Variants in LINGO4 observed in about 807,000 individuals in gnomAD.
LINGO4 encodes the protein leucine rich repeat and Ig domain containing 4.
A neutral mutation model predicts 27.9 loss-of-function variants in LINGO4; 22 were observed. That is an observed-to-expected ratio of 0.79 (90% CI 0.56 to 1.13). The LOEUF (loss-of-function observed/expected upper bound fraction) is 1.13. Among genes scored for constraint, LINGO4 ranks in the 50% most tolerant of loss-of-function variants. LINGO4 has a pLI of 0.00. For synonymous variants in LINGO4, 306 were observed against 325.8 expected, an observed-to-expected ratio of 0.94 and a Z score of 0.65; for missense variants, 706 against 739.4, an observed-to-expected ratio of 0.95 and a Z score of 0.52.
In LINGO4 at chr1:151,805,377, T is replaced by TGCTGCTGCTGCTGTTGCTGCTGCGGCC. The variant is rs1651260341; in HGVS notation, c.-188_-162dup. ...TGGCTGCCCGGCTGCTGCCTGCCGC[T>TGCTGCTGCTGCTGTTGCTGCTGCGGCC]GCTGCTGCTGCTGTTGCTGCTGCGG... is the stretch of plus-strand genomic sequence containing the variant. On this transcript the variant is annotated 5_prime_UTR_variant, in exon 1 of 2. Coordinates refer to ENST00000368820, the MANE Select transcript of LINGO4 (RefSeq NM_001004432.4). 5.4e-6 allele frequency: 1 copy of TGCTGCTGCTGCTGTTGCTGCTGCGGCC among 186,126 alleles called. No homozygotes were observed. Among genetic ancestry groups the TGCTGCTGCTGCTGTTGCTGCTGCGGCC allele is most frequent in the Non-Finnish European group, 1.1e-5 (1 of 88,132 alleles). The allele number at this position is 186,126 out of a possible 1,614,324, so 11.5% of individuals were successfully genotyped here.
In LINGO4 at chr1:151,800,843, T is replaced by C; in HGVS notation, c.*80A>G. 7.5e-7 allele frequency: 1 copy of C among 1,340,624 alleles called. No homozygotes were observed. The highest frequency in any genetic ancestry group is 2.3e-5 in the East Asian group (1 of 43,192). 83.0% of individuals were successfully genotyped at this position (1,340,624 alleles called of 1,614,324 possible). On this transcript the variant is annotated 3_prime_UTR_variant, in exon 2 of 2. Transcript: ENST00000368820. ...AGCGGTGCTGCTCGGGACTAGGTTCTGGTTCAAGCAGCCTTGGTTCTGTCT... is the reference window on the plus strand; with the variant it reads ...AGCGGTGCTGCTCGGGACTAGGTTCCGGTTCAAGCAGCCTTGGTTCTGTCT...
At chr1:151,804,342 G>A (rs1340094773) in intron 1 of LINGO4, among the ~76,000 whole-genome samples, 1 of 152,174 alleles carries the variant, frequency 6.6e-6, no homozygotes, top group South Asian at 2.1e-4. Flanking sequence ...AAAGAATAAC[G>A]TGGGGCAAAG....
Position 151,802,639 on chromosome 1 carries a change from G to A in LINGO4, c.66C>T (p.Leu22=). ...PPWPPLLFLL[L]LPGGSGGSCP... ...AGCTGCCACCGCTCCCTCCAGGTAG[G>A]AGGAGGAGGAAAAGGAGCGGGGGCC... is the stretch of plus-strand genomic sequence containing the variant. The change falls in exon 2 of 2, where the codon CTC becomes CTT. Residue 22 remains leucine (L), a synonymous_variant. Transcript: ENST00000368820. 6.4e-7 allele frequency: 1 copy of A among 1,572,916 alleles called. No homozygotes were observed. The highest frequency in any genetic ancestry group is 8.6e-7 in the Non-Finnish European group (1 of 1,160,540).
In LINGO4 at chr1:151,800,617, A is replaced by C; in HGVS notation, c.*306T>G. The C allele has an allele frequency of 2.8e-6, 1 of 358,398 alleles. No individual in the cohort carries two copies. Among genetic ancestry groups the C allele is most frequent in the Non-Finnish European group, 5.1e-6 (1 of 196,400 alleles). The allele number at this position is 358,398 out of a possible 1,614,324, so 22.2% of individuals were successfully genotyped here. A position where few individuals can be genotyped will look rare whatever the true frequency, so the allele number is the denominator to read the frequency against. On this transcript the variant is annotated 3_prime_UTR_variant, in exon 2 of 2. Transcript: ENST00000368820. ...CATGTGTGAAGAAAGCCTAGTGGTT[A>C]GACTAGCTGACTAGCGCTTTGATTA...
rs774897433 is a variant in LINGO4 at position 151,801,614 on chromosome 1, CA to C, written c.1090del (p.Cys364AlafsTer33). 1.9e-6 allele frequency: 3 copies of C among 1,613,852 alleles called. No individual in the cohort carries two copies. Among genetic ancestry groups the C allele is most frequent in the Non-Finnish European group, 2.5e-6 (3 of 1,180,058 alleles). On this transcript the variant is annotated frameshift_variant, in exon 2 of 2. Transcript: ENST00000368820. LOFTEE classifies it high-confidence loss of function. This position sits in a 1 kb window ranked among gnomAD's most constrained non-coding sequence, Gnocchi z 5.7. ...GAGCCGGAGCAGCCAGAGGAGGCGG[CA>C]GTCACAGGTTAGGGGGTTGCCAGAC... ...RLSGNPLTCD[C>X]RLLWLLRLRR...
chr1:151,801,319 C>G lies in LINGO4; in HGVS notation c.1386G>C (p.Arg462Ser). 1 of 1,612,790 alleles carries G rather than the reference C, an allele frequency of 6.2e-7. No homozygotes were observed. The highest frequency in any genetic ancestry group is 8.5e-7 in the Non-Finnish European group (1 of 1,178,842). Residue 462 changes from arginine to serine, a missense_variant, in exon 2 of 2, where the codon AGG becomes AGC. Physicochemically the swap from Arg to Ser is moderately radical, Grantham distance 110. Coordinates refer to ENST00000368820, the MANE Select transcript of LINGO4 (RefSeq NM_001004432.4). The surrounding 1 kb of genome is among the most constrained non-coding windows in gnomAD (Gnocchi z 5.7). ...GAWLGRAGRV[R>S]VLEDGTLEIR... Reference sequence around the variant, plus strand: ...TCTCCAGTGTCCCATCCTCTAGGACCCTTACTCTCCCAGCCCTGCCCAGCC... The same window carrying G: ...TCTCCAGTGTCCCATCCTCTAGGACGCTTACTCTCCCAGCCCTGCCCAGCC...
Position 151,805,391 on chromosome 1 carries a change from T to C in LINGO4, c.-175A>G, listed in dbSNP as rs1651260807. 2 of 195,672 alleles carry C rather than the reference T, an allele frequency of 1.0e-5. No individual in the cohort carries two copies. The highest frequency in any genetic ancestry group is 2.1e-5 in the Non-Finnish European group (2 of 93,896). 12.1% of individuals were successfully genotyped at this position (195,672 alleles called of 1,614,324 possible). A position where few individuals can be genotyped will look rare whatever the true frequency, so the allele number is the denominator to read the frequency against. On this transcript the variant is annotated 5_prime_UTR_variant, in exon 1 of 2. Transcript: ENST00000368820. ...CTGCCTGCCGCTGCTGCTGCTGCTG[T>C]TGCTGCTGCGGCCGCTGCTGCCAAG...
Position 151,802,546 on chromosome 1 carries a change from AG to A in LINGO4, c.158del (p.Ala53ValfsTer15). On this transcript the variant is annotated frameshift_variant, in exon 2 of 2. Transcript: ENST00000368820. LOFTEE classifies it high-confidence loss of function. ...AVLCGHRQLE[A>X]VPGGLPLDTE... ...TGTCCAGTGGGAGTCCTCCAGGTAC[AG>A]CCTCCAGTTGCCTGTGGCCACAGAG... 1 of 1,603,650 alleles carries A rather than the reference AG, an allele frequency of 6.2e-7. No homozygotes were observed. The highest frequency in any genetic ancestry group is 8.5e-7 in the Non-Finnish European group (1 of 1,174,762).
In LINGO4 at chr1:151,800,892, C is replaced by T. The variant is rs1285300872; in HGVS notation, c.*31G>A. 1 of 1,563,574 alleles carries T rather than the reference C, an allele frequency of 6.4e-7. No homozygotes were observed. The highest frequency in any genetic ancestry group is 1.8e-5 in the Admixed American group (1 of 55,054). ...CTTCCCCTTTGGTATCTGAAGCGGA[C>T]TTGGTGGGTTCCCCACTGGGGAAGG... On this transcript the variant is annotated 3_prime_UTR_variant, in exon 2 of 2. Coordinates refer to ENST00000368820, the MANE Select transcript of LINGO4 (RefSeq NM_001004432.4).
chr1:151,801,956 A>C lies in LINGO4; in HGVS notation c.749T>G (p.Val250Gly). 1 of 1,614,198 alleles carries C rather than the reference A, an allele frequency of 6.2e-7. No individual in the cohort carries two copies. The highest frequency in any genetic ancestry group is 1.1e-5 in the South Asian group (1 of 91,076). Residue 250 changes from valine (V) to glycine (G), a missense_variant, in exon 2 of 2, where the codon GTT (valine) becomes GGT (glycine). By Grantham distance (109) the Val-to-Gly change is moderately radical. Transcript: ENST00000368820. This position sits in a 1 kb window ranked among gnomAD's most constrained non-coding sequence, Gnocchi z 5.7. Reference protein sequence around the residue: ...SLEALDPGSLVGLNLSSLAIT... With the variant: ...SLEALDPGSLGGLNLSSLAIT... ...GGCCAGGCTGCTGAGATTGAGCCCA[A>C]CCAGGCTCCCAGGGTCCAGAGCCTC...
chr1:151,802,383 G>A lies in LINGO4; in HGVS notation c.322C>T (p.Gln108Ter), dbSNP rs766907117. The A allele has an allele frequency of 3.1e-6, 5 of 1,614,144 alleles. No homozygotes were observed. Among genetic ancestry groups the A allele is most frequent in the Non-Finnish European group, 4.2e-6 (5 of 1,179,996 alleles). ...TGCAGCCTCAGGGTGAGTAGGCTTT[G>A]TAGGCCATGGAAGGCCCCAGGCTCA... ...TLEPGAFHGLQSLLTLRLQGN... is the reference protein window; with the variant it reads ...TLEPGAFHGL The change falls in exon 2 of 2, where the codon CAA becomes TAA. Residue 108 changes from glutamine (Q) to a stop codon, truncating the protein, a stop_gained. Coordinates refer to ENST00000368820, the MANE Select transcript of LINGO4 (RefSeq NM_001004432.4). LOFTEE classifies it high-confidence loss of function.
In LINGO4 at chr1:151,802,483, C is replaced by G. The variant is rs147627798; in HGVS notation, c.222G>C (p.Gly74=). 1.7e-5 allele frequency: 27 copies of G among 1,613,468 alleles called. No homozygotes were observed. The highest frequency in any genetic ancestry group is 1.9e-5 in the Non-Finnish European group (23 of 1,179,744). Residue 74 remains glycine, a synonymous_variant, in exon 2 of 2, where the codon GGG becomes GGC. Transcript: ENST00000368820. ...LLDLSGNRLW[G]LQQGMLSRLS... is the part of the protein sequence containing the mutation. ...GGCGGGAGAGCATTCCCTGCTGGAGCCCCCACAGGCGGTTCCCACTCAGGT... is the reference window on the plus strand; with the variant it reads ...GGCGGGAGAGCATTCCCTGCTGGAGGCCCCACAGGCGGTTCCCACTCAGGT...
rs181187833 is a variant in LINGO4, at chr1:151,801,558, G to A, written c.1147C>T (p.Pro383Ser). Reference sequence around the variant, plus strand: ...ACATGATGGGGGCCAGCACAGGCAGGGGGGGACATGCCAAAGTCCAGGTGG... The same window carrying A: ...ACATGATGGGGGCCAGCACAGGCAGAGGGGGACATGCCAAAGTCCAGGTGG... ...RRHLDFGMSP[P>S]ACAGPHHVQG... The change falls in exon 2 of 2, where the codon CCT becomes TCT. Residue 383 changes from proline to serine, a missense_variant. By Grantham distance (74) the Pro-to-Ser change is moderately conservative (BLOSUM62 -1). Transcript: ENST00000368820. This position sits in a 1 kb window ranked among gnomAD's most constrained non-coding sequence, Gnocchi z 5.7. 3.7e-6 allele frequency: 6 copies of A among 1,613,636 alleles called. No individual in the cohort carries two copies. The African/African-American group carries it at 5.3e-5, about 14-fold the overall frequency.
chr1:151,800,923 TCAGAAGAGCTTGG>T lies in LINGO4; in HGVS notation c.1769_1781del (p.Ala590AspfsTer26), dbSNP rs1156886753. On this transcript the variant is annotated frameshift_variant and stop_lost, in exon 2 of 2. Coordinates refer to ENST00000368820, the MANE Select transcript of LINGO4 (RefSeq NM_001004432.4). LOFTEE classifies it high-confidence loss of function. ...GGGTTCCCCACTGGGGAAGGAAAGG[TCAGAAGAGCTTGG>T]CAGTGACCCGGTTACCCCCAGAGTT... is the stretch of plus-strand genomic sequence containing the variant. The T allele has an allele frequency of 4.4e-6, 7 of 1,599,848 alleles. No homozygotes were observed. Among genetic ancestry groups the T allele is most frequent in the Non-Finnish European group, 6.0e-6 (7 of 1,171,558 alleles).
In LINGO4 at chr1:151,805,374, CGCTGCTGCTGCT is replaced by C. The variant is rs907574552; in HGVS notation, c.-170_-159del. The C allele has an allele frequency of 5.2e-6, 1 of 193,402 alleles. No homozygotes were observed. Among genetic ancestry groups the C allele is most frequent in the African/African-American group, 2.4e-5 (1 of 41,900 alleles). 12.0% of individuals were successfully genotyped at this position (193,402 alleles called of 1,614,324 possible). On this transcript the variant is annotated 5_prime_UTR_variant, in exon 1 of 2. Coordinates refer to ENST00000368820, the MANE Select transcript of LINGO4 (RefSeq NM_001004432.4). The stretch of plus-strand genomic sequence containing the variant: ...GCCTGGCTGCCCGGCTGCTGCCTGC[CGCTGCTGCTGCT>C]GCTGTTGCTGCTGCGGCCGCTGCTG...
chr1:151,801,295 C>T lies in LINGO4; in HGVS notation c.1410G>A (p.Glu470=), dbSNP rs776920539. The T allele has an allele frequency of 7.3e-5, 117 of 1,613,492 alleles. No individual in the cohort carries two copies. The Admixed American group carries it at 1.9e-3, about 27-fold the overall frequency. The change falls in exon 2 of 2, where the codon GAG becomes GAA. Residue 470 remains glutamate, a synonymous_variant. Transcript: ENST00000368820. The surrounding 1 kb of genome is among the most constrained non-coding windows in gnomAD (Gnocchi z 5.7). ...TGTCCCGTAGCTGCACTGAGCGGAT[C>T]TCCAGTGTCCCATCCTCTAGGACCC... is the stretch of plus-strand genomic sequence containing the variant. ...RVRVLEDGTL[E]IRSVQLRDRG... is the part of the protein sequence containing the mutation.
chr1:151,801,092 A>C lies in LINGO4; in HGVS notation c.1613T>G (p.Val538Gly). ...DSRGVAMVLAVGFLPFLTSVT... is the reference protein window; with the variant it reads ...DSRGVAMVLAGGFLPFLTSVT... The stretch of plus-strand genomic sequence containing the variant: ...TGAGGTGAGGAAGGGGAGGAAGCCG[A>C]CTGCCAGCACCATGGCCACACCTCT... The change falls in exon 2 of 2, where the codon GTC (valine) becomes GGC (glycine). Residue 538 changes from valine (V) to glycine (G), a missense_variant. By Grantham distance (109) the Val-to-Gly change is moderately radical. Transcript: ENST00000368820. This position sits in a 1 kb window ranked among gnomAD's most constrained non-coding sequence, Gnocchi z 5.7. The C allele has an allele frequency of 6.2e-7, 1 of 1,614,170 alleles. No individual in the cohort carries two copies. The highest frequency in any genetic ancestry group is 8.5e-7 in the Non-Finnish European group (1 of 1,180,026).
rs548037927 is a variant in LINGO4 at position 151,801,939 on chromosome 1, T to A, written c.766A>T (p.Ser256Cys). The change falls in exon 2 of 2, where the codon AGC becomes TGC. Residue 256 changes from serine to cysteine, a missense_variant. Coordinates refer to ENST00000368820, the MANE Select transcript of LINGO4 (RefSeq NM_001004432.4). The surrounding 1 kb of genome is among the most constrained non-coding windows in gnomAD (Gnocchi z 5.7). ...PGSLVGLNLS[S>C]LAITRCNLSS... ...AGATTGCAGCGAGTGATGGCCAGGCTGCTGAGATTGAGCCCAACCAGGCTC... is the reference window on the plus strand; with the variant it reads ...AGATTGCAGCGAGTGATGGCCAGGCAGCTGAGATTGAGCCCAACCAGGCTC... 6.8e-6 allele frequency: 11 copies of A among 1,614,212 alleles called. No homozygotes were observed. In the Admixed American group the frequency reaches 1.7e-4, roughly 24 times the overall value.
intron 1 of LINGO4, 81 bp from the exon 2 acceptor site, chr1:151,802,798 G>A: frequency 1.9e-6 from 2 of 1,032,930 alleles, no homozygotes; most frequent in South Asian, 1.9e-5. Flanking sequence ...CCTTCTTAGA[G>A]AGGAGAGAAA....
Sources: gnomAD v4.1 joint callset for allele counts (sites outside exome capture counted in the v4.1 genomes callset) on GRCh38, gnomAD v4.1.1 for gene constraint, Gnocchi (gnomAD v3.1) non-coding constraint, MANE v1.5 for transcripts, NCBI Gene and HGNC (gene_info 2026-07-23, HGNC 2026-07-21) for gene names.